The following ZNF529 variants were observed in gnomAD, a reference collection of about 807,000 sequenced individuals.
ZNF529 encodes the protein zinc finger protein 529.
ZNF529 carries 11 observed loss-of-function variants against 10.1 expected under a neutral mutation model. The ratio of observed to expected loss-of-function variants is 1.09; its 90% CI spans 0.69 to 1.81. The LOEUF (loss-of-function observed/expected upper bound fraction) is 1.81. ZNF529 is among the 40% of genes most tolerant of loss of function. ZNF529 has a pLI of 0.00. For synonymous variants in ZNF529, 204 were observed against 215.7 expected (o/e 0.95, Z 0.47); for missense variants, 624 against 666.8 (o/e 0.94, Z 0.71).
chr19:36,557,869 C>G (rs1221067901), intron 2 of ZNF529, among the ~76,000 whole-genome samples: 1 of 152,040 alleles, frequency 6.6e-6, no homozygotes, highest in African/African-American at 2.4e-5. Flanking sequence ...ATTTAACAGG[C>G]AAAGACTTCA....
intron 3 of ZNF529, 56 bp from the exon 4 acceptor site, chr19:36,554,852 A>C (rs768983740): frequency 6.2e-6 from 9 of 1,445,890 alleles, no homozygotes; most frequent in Non-Finnish European, 8.3e-6. Flanking sequence ...TTTTTGAGAA[A>C]AAGACAAGAG....
chr19:36,558,892 G>A (rs1052898558), intron 2 of ZNF529, among the ~76,000 whole-genome samples: 1 of 151,710 alleles, frequency 6.6e-6, no homozygotes, highest in African/African-American at 2.4e-5. Flanking sequence ...TATCTGACAA[G>A]GGGTTAATAT....
At chr19:36,591,273 T>C (rs1273578974) in intron 1 of ZNF529, among the ~76,000 whole-genome samples, 1 of 142,390 alleles carries the variant, frequency 7.0e-6, no homozygotes, top group African/African-American at 2.6e-5. Flanking sequence ...TACTCCAGCC[T>C]GGTGACAGAG....
At chr19:36,552,239 G>A (rs2035290200) in intron 4 of ZNF529, among the ~76,000 whole-genome samples, 1 of 152,012 alleles carries the variant, frequency 6.6e-6, no homozygotes, top group Non-Finnish European at 1.5e-5. Context: ...GACTATCCTG[G>A]CTAACACGGT....
chr19:36,559,908 A>G (rs988016925), intron 2 of ZNF529, among the ~76,000 whole-genome samples: 2 of 152,172 alleles, frequency 1.3e-5, no homozygotes, highest in Non-Finnish European at 2.9e-5. Flanking sequence ...TACTCAAGGA[A>G]GCTCTTTAGG....
intron 1 of ZNF529, among the ~76,000 whole-genome samples, chr19:36,598,063 G>A (rs3096628): frequency 0.33 from 49,476 of 151,998 alleles, 8,426 homozygotes; most frequent in South Asian, 0.42. Context: ...TCTTGGAAGC[G>A]GGTATAAAGT....
chr19:36,560,782 A>C (rs542322464), intron 2 of ZNF529, among the ~76,000 whole-genome samples: 29 of 152,350 alleles, frequency 1.9e-4, no homozygotes, highest in African/African-American at 6.5e-4. Context: ...TTCTGAAGTA[A>C]GATATTTGGC....
intron 1 of ZNF529, among the ~76,000 whole-genome samples, chr19:36,602,333 A>AC: frequency 6.6e-6 from 1 of 152,246 alleles, no homozygotes; most frequent in Non-Finnish European, 1.5e-5. Context: ...GGTGTGAGCC[A>AC]CCGCGCCTGG....
upstream of ZNF529, chr19:36,577,339 A>G (rs2036349049): frequency 1.8e-5 from 6 of 328,778 alleles, no homozygotes; most frequent in South Asian, 1.3e-4. Context: ...CCCATGTTAC[A>G]TTGTTCTCCC....
In ZNF529 at chr19:36,547,713, A is replaced by G; in HGVS notation, c.845T>C (p.Phe282Ser). Residue 282 changes from phenylalanine (F) to serine (S), a missense_variant, in exon 5 of 5, where the codon TTT (phenylalanine) becomes TCT (serine). By Grantham distance (155) the Phe-to-Ser change is radical (BLOSUM62 -2). Coordinates refer to ENST00000591340, the MANE Select transcript of ZNF529 (RefSeq NM_020951.5). ...GGATTTCCCACAGAATGAGCATTCA[A>G]AGTGTTTCTCACCATCATGAACTCT... Reference protein sequence around the residue: ...LQRVHDGEKHFECSFCGKSFR... With the variant: ...LQRVHDGEKHSECSFCGKSFR... 6.2e-7 allele frequency: 1 copy of G among 1,613,932 alleles called. No homozygotes were observed. The highest frequency in any genetic ancestry group is 8.5e-7 in the Non-Finnish European group (1 of 1,179,852).
At chr19:36,570,072 C>T (rs570248586) in intron 2 of ZNF529, among the ~76,000 whole-genome samples, 4 of 152,138 alleles carry the variant, frequency 2.6e-5, no homozygotes, top group Admixed American at 1.3e-4. Context: ...ATAAAAACCC[C>T]GGACATGGGC....
chr19:36,565,898 A>G (rs568627108), intron 2 of ZNF529, among the ~76,000 whole-genome samples: 36 of 152,212 alleles, frequency 2.4e-4, no homozygotes, highest in Non-Finnish European at 5.0e-4. Context: ...CAACATGAAG[A>G]GGAGCAGAAC....
chr19:36,550,785 T>C (rs2035230453), intron 4 of ZNF529, among the ~76,000 whole-genome samples: 1 of 152,164 alleles, frequency 6.6e-6, no homozygotes, highest in Non-Finnish European at 1.5e-5. Flanking sequence ...AAACAATCAC[T>C]AGGTGATGAA....
chr19:36,548,012 A>G lies in ZNF529; in HGVS notation c.546T>C (p.Cys182=). 1 of 1,613,804 alleles carries G rather than the reference A, an allele frequency of 6.2e-7. No homozygotes were observed. The highest frequency in any genetic ancestry group is 1.1e-5 in the South Asian group (1 of 91,054). The change falls in exon 5 of 5, where the codon TGT becomes TGC. Residue 182 remains cysteine (C), a synonymous_variant. Coordinates refer to ENST00000591340, the MANE Select transcript of ZNF529 (RefSeq NM_020951.5). ...TCTGATATTCATCAAACTCTAAGTC[A>G]CAACTGAAGACCTTCTCATATTCCT... ...EYKEYEKVFS[C]DLEFDEYQKI...
rs2035038656 is a variant in ZNF529, at chr19:36,546,789, C to T, written c.*77G>A. 1.4e-6 allele frequency: 2 copies of T among 1,469,692 alleles called. No individual in the cohort carries two copies. The highest frequency in any genetic ancestry group is 2.8e-5 in the African/African-American group (2 of 70,966). 91.0% of individuals were successfully genotyped at this position (1,469,692 alleles called of 1,614,324 possible). A position where few individuals can be genotyped will look rare whatever the true frequency, so the allele number is the denominator to read the frequency against. ...TTTAAGAGAGGGAGATACTGAATTGCCTTGATTACCTATTAAATCCATCCA... is the reference window on the plus strand; with the variant it reads ...TTTAAGAGAGGGAGATACTGAATTGTCTTGATTACCTATTAAATCCATCCA... On this transcript the variant is annotated 3_prime_UTR_variant, in exon 5 of 5. Transcript: ENST00000591340.
At chr19:36,591,791 C>G (rs544146822) in intron 1 of ZNF529, among the ~76,000 whole-genome samples, 3 of 151,706 alleles carry the variant, frequency 2.0e-5, no homozygotes, top group African/African-American at 7.2e-5. Context: ...GATGGTTTTG[C>G]CAGATAATTC....
Position 36,572,408 on chromosome 19 carries a change from G to T in ZNF529, c.-46-16C>A. Reference sequence around the variant, plus strand: ...ACTTGCAGAACTACATAACCAAGAGGGAGAAAGGACTCATGACATCCTGGA... The same window carrying T: ...ACTTGCAGAACTACATAACCAAGAGTGAGAAAGGACTCATGACATCCTGGA... On this transcript the variant is annotated splice_polypyrimidine_tract_variant and intron_variant, in intron 1 of 4. Coordinates refer to ENST00000591340, the MANE Select transcript of ZNF529 (RefSeq NM_020951.5). 1 of 1,541,752 alleles carries T rather than the reference G, an allele frequency of 6.5e-7. No homozygotes were observed. Among genetic ancestry groups the T allele is most frequent in the African/African-American group, 1.4e-5 (1 of 72,622 alleles).
chr19:36,575,238 A>G (rs975115316), upstream of ZNF529, among the ~76,000 whole-genome samples: 6 of 152,202 alleles, frequency 3.9e-5, no homozygotes, highest in African/African-American at 1.4e-4. Context: ...GGTGTATTTC[A>G]TTTTGCTTGC....
rs554140374 is a variant in ZNF529, at chr19:36,585,094, A to G, written c.-41+4521T>C. Among the ~76,000 whole-genome samples, 8 of 152,342 alleles carry G rather than the reference A, an allele frequency of 5.3e-5. No individual in the cohort carries two copies. The East Asian group carries it at 9.6e-4, about 18-fold the overall frequency. On this transcript the variant is annotated intron_variant, in intron 2 of 4. Transcript: ENST00000585960. ...AGATGAAGTCTGACCAGAATAGCAC[A>G]TAAGTCAATCAGGTTGCTGTGGCCA...
Sources: allele counts gnomAD v4.1 joint callset (sites outside exome capture counted in the v4.1 genomes callset), GRCh38; gene constraint gnomAD v4.1.1; transcripts MANE v1.5; gene names NCBI Gene and HGNC (gene_info 2026-07-23, HGNC 2026-07-21).